Variants in CEMIP observed in about 807,000 individuals in gnomAD.
CEMIP encodes the protein cell migration inducing hyaluronidase 1.
Under a neutral mutation model 156.9 loss-of-function variants are expected in CEMIP, and 105 were observed. That is an observed-to-expected ratio of 0.67 (90% confidence interval 0.57 to 0.79). The LOEUF is 0.79. Among genes scored for constraint, CEMIP ranks in the 30% least tolerant of loss-of-function variants. The pLI is 0.00. For synonymous variants in CEMIP, 676 were observed against 668.4 expected, an observed-to-expected ratio of 1.01 and a Z score of -0.17; for missense variants, 1,457 against 1,769.4, an observed-to-expected ratio of 0.82 and a Z score of 3.17.
chr15:80,855,430 GT>G (rs1396408829), intron 1 of CEMIP, among the ~76,000 whole-genome samples: 1 of 152,154 alleles, frequency 6.6e-6, no homozygotes, highest in Non-Finnish European at 1.5e-5. Flanking sequence ...ATCTTGTTGG[GT>G]TGGAGAAGGA....
chr15:80,812,329 A>G (rs1187505848), intron 1 of CEMIP, among the ~76,000 whole-genome samples: 2 of 152,154 alleles, frequency 1.3e-5, no homozygotes, highest in African/African-American at 4.8e-5. Flanking sequence ...GATAATTTCA[A>G]TGAGAAGCTT....
intron 1 of CEMIP, among the ~76,000 whole-genome samples, chr15:80,795,552 G>C (rs1180623430): frequency 2.0e-5 from 3 of 152,158 alleles, no homozygotes; most frequent in African/African-American, 7.2e-5. Flanking sequence ...AGGAAGACTA[G>C]AGTGGGTTTG....
chr15:80,946,600 T>G (rs1901564179), intron 28 of CEMIP: 1 of 263,144 alleles, frequency 3.8e-6, no homozygotes, highest in Admixed American at 4.3e-5. Flanking sequence ...TTGAGAACAT[T>G]CAAGGGAAGA....
intron 1 of CEMIP, among the ~76,000 whole-genome samples, chr15:80,869,633 CCTTGTGTA>C (rs1368234829): frequency 1.3e-5 from 2 of 152,120 alleles, no homozygotes; most frequent in Admixed American, 1.3e-4. Flanking sequence ...GAGTATAGTT[CCTTGTGTA>C]CTTGCCTCTC....
At chr15:80,796,862 G>A (rs543891955) in intron 1 of CEMIP, among the ~76,000 whole-genome samples, 2 of 152,200 alleles carry the variant, frequency 1.3e-5, no homozygotes, top group Admixed American at 6.5e-5. Flanking sequence ...GGGCAGAAAA[G>A]TGGGACCTCA....
intron 1 of CEMIP, among the ~76,000 whole-genome samples, chr15:80,849,593 C>A (rs1018883967): frequency 1.3e-5 from 2 of 152,176 alleles, no homozygotes; most frequent in Admixed American, 1.3e-4. Flanking sequence ...GTTCCAGTTA[C>A]TCGTGTGCTG....
intron 1 of CEMIP, among the ~76,000 whole-genome samples, chr15:80,780,872 T>C (rs980912339): frequency 2.6e-5 from 4 of 152,152 alleles, no homozygotes; most frequent in African/African-American, 9.7e-5. Context: ...ACCCAAGGCG[T>C]TGGGGCGCTG....
chr15:80,811,689 A>C (rs1449383816), intron 1 of CEMIP, among the ~76,000 whole-genome samples: 1 of 151,944 alleles, frequency 6.6e-6, no homozygotes, highest in Non-Finnish European at 1.5e-5. Flanking sequence ...TGAGTAGCTG[A>C]GGCCACAGGT....
intron 1 of CEMIP, among the ~76,000 whole-genome samples, chr15:80,832,322 CTGTGTGTG>C (rs58855328): frequency 0.015 from 1,983 of 128,090 alleles, 46 homozygotes; most frequent in African/African-American, 0.049. Context: ...AAAATAAACT[CTGTGTGTG>C]TGTGTGTGTG....
At chr15:80,851,600 GGTA>G (rs1313046313) in intron 1 of CEMIP, among the ~76,000 whole-genome samples, 1 of 152,142 alleles carries the variant, frequency 6.6e-6, no homozygotes, top group Non-Finnish European at 1.5e-5. Flanking sequence ...AGGCTTGATG[GGTA>G]GTAGATTTCC....
chr15:80,916,661 T>A (rs1455926969), intron 14 of CEMIP, among the ~76,000 whole-genome samples: 1 of 152,230 alleles, frequency 6.6e-6, no homozygotes, highest in Non-Finnish European at 1.5e-5. Flanking sequence ...TTTAAATATT[T>A]AACACTGGGT....
intron 1 of CEMIP, among the ~76,000 whole-genome samples, 179 bp downstream of exon 1, chr15:80,779,793 C>T (rs2141546800): frequency 6.6e-6 from 1 of 152,368 alleles, no homozygotes; most frequent in South Asian, 2.1e-4. Flanking sequence ...TTTGTCCATG[C>T]GTCTGTTGAT....
chr15:80,896,039 C>G lies in CEMIP; in HGVS notation c.1390C>G (p.Pro464Ala). ...GGTGCTTCCCTGCAGATCCTGCGCCCCCAACCAGGTCAAAGTGGCAGGTAG... is the reference window on the plus strand; with the variant it reads ...GGTGCTTCCCTGCAGATCCTGCGCCGCCAACCAGGTCAAAGTGGCAGGTAG... ...FQVLPCRSCA[P>A]NQVKVAGKPM... Residue 464 changes from proline (P) to alanine (A), a missense_variant, in exon 12 of 30, where the codon CCC (proline) becomes GCC (alanine). Coordinates refer to ENST00000394685, the MANE Select transcript of CEMIP (RefSeq NM_001293298.2). The G allele has an allele frequency of 6.2e-7, 1 of 1,614,074 alleles. No individual in the cohort carries two copies. Among genetic ancestry groups the G allele is most frequent in the Non-Finnish European group, 8.5e-7 (1 of 1,180,026 alleles).
intron 1 of CEMIP, among the ~76,000 whole-genome samples, chr15:80,855,823 C>T (rs772031984): frequency 5.3e-5 from 8 of 152,172 alleles, no homozygotes; most frequent in Admixed American, 2.6e-4. Context: ...GCACCCAGCC[C>T]GTGCCTTCTT....
intron 1 of CEMIP, among the ~76,000 whole-genome samples, chr15:80,841,341 G>A (rs1406605900): frequency 6.6e-6 from 1 of 152,118 alleles, no homozygotes; most frequent in Non-Finnish European, 1.5e-5. Context: ...CTAAACAAAG[G>A]GCCCCCATGA....
chr15:80,947,541 C>T lies in CEMIP; in HGVS notation c.3958+476C>T, dbSNP rs75584062. The T allele has an allele frequency of 7.6e-3, 1,266 of 165,752 alleles. 20 individuals carry two copies. Among genetic ancestry groups the T allele is most frequent in the African/African-American group, 0.029 (1,207 of 41,774 alleles). The allele number at this position is 165,752 out of a possible 1,614,324, so 10.3% of individuals were successfully genotyped here. A position where few individuals can be genotyped will look rare whatever the true frequency, so the allele number is the denominator to read the frequency against. On this transcript the variant is annotated intron_variant, in intron 29 of 29. Transcript: ENST00000394685. ...AGCCCAGAGAACCTACATGGCTTGT[C>T]CAAGGCCAGGCAGCTTCGGTGGTGA...
At chr15:80,920,387 C>T (rs953560682) in intron 15 of CEMIP, 88 bp downstream of exon 15, 141 of 1,241,484 alleles carry the variant, frequency 1.1e-4, no homozygotes, top group Non-Finnish European at 1.5e-4. Context: ...CAGCACCAGA[C>T]TTCTGCACTT....
At chr15:80,794,042 G>C (rs1413238392) in intron 1 of CEMIP, among the ~76,000 whole-genome samples, 2 of 152,122 alleles carry the variant, frequency 1.3e-5, no homozygotes, top group Non-Finnish European at 2.9e-5. Flanking sequence ...TGGGTTCCTG[G>C]TTTTGGGGAT....
chr15:80,876,160 C>T (rs1273468045), intron 3 of CEMIP, among the ~76,000 whole-genome samples: 1 of 152,226 alleles, frequency 6.6e-6, no homozygotes, highest in Non-Finnish European at 1.5e-5. Context: ...TATATGTTCC[C>T]CGCGTGGCTG....
Sources: gnomAD v4.1 joint callset for allele counts (sites outside exome capture counted in the v4.1 genomes callset) on GRCh38, gnomAD v4.1.1 for gene constraint, MANE v1.5 for transcripts, NCBI Gene and HGNC (gene_info 2026-07-23, HGNC 2026-07-21) for gene names.